GULP1: variants seen among roughly 807,000 people sequenced by gnomAD.
GULP1 encodes the protein GULP PTB domain containing engulfment adaptor 1.
In GULP1, 19 loss-of-function variants were observed where a neutral mutation model predicts 40.9. The ratio of observed to expected loss-of-function variants is 0.46; its 90% CI spans 0.32 to 0.68. GULP1 has a LOEUF of 0.68. Ranked by LOEUF, GULP1 falls within the 30% of genes least tolerant of loss-of-function variation. The pLI is 0.03. For missense variants in GULP1, 312 were observed against 362.2 expected, an observed-to-expected ratio of 0.86 and a Z score of 1.12; for synonymous variants, 119 against 117.6, an observed-to-expected ratio of 1.01 and a Z score of -0.08.
chr2:188,557,277 C>T (rs1695009744), intron 7 of GULP1, among the ~76,000 whole-genome samples: 1 of 152,204 alleles, frequency 6.6e-6, no homozygotes, highest in Non-Finnish European at 1.5e-5. Context: ...AAAATCTCAT[C>T]TGAGACAAGG....
At chr2:188,396,013 G>C (rs1467674880) in intron 2 of GULP1, among the ~76,000 whole-genome samples, 1 of 152,242 alleles carries the variant, frequency 6.6e-6, no homozygotes, top group Non-Finnish European at 1.5e-5. Context: ...GCAGGCAACA[G>C]TGACAGCTGA....
chr2:188,479,947 G>A (rs1369255037), intron 3 of GULP1, among the ~76,000 whole-genome samples: 2 of 151,938 alleles, frequency 1.3e-5, no homozygotes, highest in African/African-American at 4.8e-5. Flanking sequence ...AATTTCTTTT[G>A]ACTTCTCTTA....
intron 6 of GULP1, among the ~76,000 whole-genome samples, chr2:188,532,560 T>G (rs753527197): frequency 1.3e-5 from 2 of 152,088 alleles, no homozygotes; most frequent in African/African-American, 4.8e-5. Flanking sequence ...CATTGCAACC[T>G]TTTCTATTAT....
intron 2 of GULP1, among the ~76,000 whole-genome samples, chr2:188,458,569 A>G (rs1015999943): frequency 6.6e-6 from 1 of 152,106 alleles, no homozygotes; most frequent in Non-Finnish European, 1.5e-5. Context: ...GTAAGTGTAT[A>G]TATTTATGGG....
chr2:188,450,783 A>G (rs568842677), intron 2 of GULP1, among the ~76,000 whole-genome samples: 12 of 152,320 alleles, frequency 7.9e-5, no homozygotes, highest in Admixed American at 2.6e-4. Context: ...TTGCTCTTCT[A>G]TAGTTCAGTT....
chr2:188,420,999 T>G (rs2055325978), intron 2 of GULP1, among the ~76,000 whole-genome samples: 1 of 152,116 alleles, frequency 6.6e-6, no homozygotes, highest in South Asian at 2.1e-4. Context: ...TTTCCTCATT[T>G]CCTCTCCAGA....
Position 188,441,891 on chromosome 2 carries a change from T to C in GULP1, c.-44-35768T>C, listed in dbSNP as rs751512196. 3.9e-5 allele frequency among the ~76,000 whole-genome samples: 6 copies of C among 151,994 alleles called. 1 individual carries two copies. The highest frequency in any genetic ancestry group is 3.9e-4 in the Admixed American group (6 of 15,272). ...AATAATGCAACAGATCTAAAATGGC[T>C]TCTGTTTACTGTACAAGCAAACATT... On this transcript the variant is annotated intron_variant, in intron 2 of 11. Transcript: ENST00000409830.
rs146526165 is a variant in GULP1 at position 188,428,739 on chromosome 2, C to G, written c.-45+44850C>G. 2.7e-3 allele frequency among the ~76,000 whole-genome samples: 418 copies of G among 152,218 alleles called. 3 individuals are homozygous for G. The highest frequency in any genetic ancestry group is 9.5e-3 in the African/African-American group (396 of 41,532). On this transcript the variant is annotated intron_variant, in intron 2 of 11. Transcript: ENST00000409830. The stretch of plus-strand genomic sequence containing the variant: ...GGGGAACCATGAGCCAATTTAACCT[C>G]TTTTCTTTATAATTTAACCAGATTC...
chr2:188,490,401 T>C (rs1483161468), intron 4 of GULP1, among the ~76,000 whole-genome samples: 1 of 152,142 alleles, frequency 6.6e-6, no homozygotes, highest in Non-Finnish European at 1.5e-5. Flanking sequence ...AATATGTATA[T>C]GTGTCTGCCA....
At chr2:188,346,671 T>C (rs569157610) in intron 1 of GULP1, among the ~76,000 whole-genome samples, 10 of 151,936 alleles carry the variant, frequency 6.6e-5, no homozygotes, top group African/African-American at 2.4e-4. Context: ...TTTTTGTATT[T>C]ATCCATGGTG....
rs575164556 is a variant in GULP1, at chr2:188,534,067, T to A, written c.261+4872T>A. The stretch of plus-strand genomic sequence containing the variant: ...TCGTTCAGCTGCTGTGGAGAGCAGT[T>A]GGAGATTTCTCAAATAACTTCAAAC... On this transcript the variant is annotated intron_variant, in intron 6 of 11. Transcript: ENST00000409830. Among the ~76,000 whole-genome samples, 22 of 152,340 alleles carry A rather than the reference T, an allele frequency of 1.4e-4. 1 individual carries two copies. In the South Asian group the frequency reaches 4.6e-3, roughly 32 times the overall value.
At chr2:188,569,481 TCACCGTGTTCC>T in intron 8 of GULP1, 126 bp downstream of exon 8, 1 of 697,440 alleles carries the variant, frequency 1.4e-6, no homozygotes, top group Non-Finnish European at 2.6e-6. Flanking sequence ...GGAACTGCTT[TCACCGTGTTCC>T]CATAATTTTT....
chr2:188,386,874 G>T lies in GULP1; in HGVS notation c.-45+2985G>T, dbSNP rs1237192920. Among the ~76,000 whole-genome samples the T allele has an allele frequency of 2.0e-5, 3 of 152,174 alleles. No individual in the cohort carries two copies. The East Asian group carries it at 5.8e-4, about 29-fold the overall frequency. On this transcript the variant is annotated intron_variant, in intron 2 of 11. Coordinates refer to ENST00000409830, the MANE Select transcript of GULP1 (RefSeq NM_016315.4). ...TTAAAATTTTAAATTTTGGTTGCAGGCAGTAGCAATTTCTTTCTCACATCT... is the reference window on the plus strand; with the variant it reads ...TTAAAATTTTAAATTTTGGTTGCAGTCAGTAGCAATTTCTTTCTCACATCT...
chr2:188,338,347 G>C (rs1432271145), intron 1 of GULP1, among the ~76,000 whole-genome samples: 1 of 149,850 alleles, frequency 6.7e-6, no homozygotes, highest in African/African-American at 2.5e-5. Context: ...GGTGAGACCA[G>C]AGCTCACTGC....
chr2:188,491,040 C>T (rs542004090), intron 4 of GULP1, among the ~76,000 whole-genome samples: 71 of 151,986 alleles, frequency 4.7e-4, no homozygotes, highest in Non-Finnish European at 8.7e-4. Context: ...TCAAGCGATC[C>T]ACCCAACTTG....
At chr2:188,516,450 C>A (rs2065182516) in intron 4 of GULP1, among the ~76,000 whole-genome samples, 1 of 151,702 alleles carries the variant, frequency 6.6e-6, no homozygotes, top group Non-Finnish European at 1.5e-5. Context: ...TGATGGTAAG[C>A]CTCTTTGTGC....
At chr2:188,339,959 G>T (rs2042745799) in intron 1 of GULP1, among the ~76,000 whole-genome samples, 1 of 152,290 alleles carries the variant, frequency 6.6e-6, no homozygotes, top group Middle Eastern at 3.4e-3. Context: ...CTGTTCACTT[G>T]TTGAGTATTA....
At chr2:188,375,369 A>G (rs896434250) in intron 1 of GULP1, among the ~76,000 whole-genome samples, 4 of 152,364 alleles carry the variant, frequency 2.6e-5, no homozygotes, top group South Asian at 4.1e-4. Flanking sequence ...TGCACACTCT[A>G]TGGATATTAA....
chr2:188,499,351 A>G (rs1312328448), intron 4 of GULP1, among the ~76,000 whole-genome samples: 1 of 151,190 alleles, frequency 6.6e-6, no homozygotes, highest in Non-Finnish European at 1.5e-5. Context: ...ACTTAATAGC[A>G]AAGATCATCA....
Sources: gnomAD v4.1 joint callset for allele counts (sites outside exome capture counted in the v4.1 genomes callset) on GRCh38, gnomAD v4.1.1 for gene constraint, MANE v1.5 for transcripts, NCBI Gene and HGNC (gene_info 2026-07-23, HGNC 2026-07-21) for gene names.